HMG20A: variants seen among roughly 807,000 people sequenced by gnomAD.
HMG20A encodes the protein high mobility group protein 20A.
Under a neutral mutation model 43.9 loss-of-function variants are expected in HMG20A, and 17 were observed. The ratio of observed to expected loss-of-function variants is 0.39; its 90% CI spans 0.27 to 0.58. The LOEUF (loss-of-function observed/expected upper bound fraction) is 0.58. HMG20A is among the 20% of genes least tolerant of loss of function. The pLI is 0.59. For synonymous variants in HMG20A, 132 were observed against 147.5 expected, an observed-to-expected ratio of 0.89 and a Z score of 0.76; for missense variants, 341 against 438.2, an observed-to-expected ratio of 0.78 and a Z score of 1.98.
chr15:77,433,361 A>T (rs2073509863), intron 1 of HMG20A, among the ~76,000 whole-genome samples: 1 of 144,970 alleles, frequency 6.9e-6, no homozygotes, highest in African/African-American at 2.5e-5. Context: ...AAAAAAAAAA[A>T]TTTCTTCAAA....
the HMG20A span, among the ~76,000 whole-genome samples, chr15:77,500,844 C>T: frequency 3.9e-5 from 6 of 152,336 alleles, no homozygotes; most frequent in East Asian, 1.9e-4. Context: ...GCTGGGATTA[C>T]AGGCATGAGC....
At chr15:77,450,743 A>T (rs980736994) in intron 1 of HMG20A, among the ~76,000 whole-genome samples, 6 of 152,214 alleles carry the variant, frequency 3.9e-5, no homozygotes, top group African/African-American at 1.4e-4. Context: ...TAAACTAATT[A>T]TCGTGTGCCA....
At chr15:77,451,059 C>A (rs1473633391) in intron 1 of HMG20A, among the ~76,000 whole-genome samples, 1 of 152,170 alleles carries the variant, frequency 6.6e-6, no homozygotes, top group African/African-American at 2.4e-5. Flanking sequence ...TAGTAATATG[C>A]ACTAAGTTTC....
chr15:77,490,638 C>A, the HMG20A span, among the ~76,000 whole-genome samples: 595 of 152,254 alleles, frequency 3.9e-3, 7 homozygotes, highest in African/African-American at 0.013. Flanking sequence ...ACCTGGGCAA[C>A]GTGGTGAAAC....
the HMG20A span, among the ~76,000 whole-genome samples, chr15:77,501,262 T>C: frequency 6.6e-6 from 1 of 152,210 alleles, no homozygotes; most frequent in Non-Finnish European, 1.5e-5. Context: ...CTCTGAAGAC[T>C]TGTTTGCATC....
intron 1 of HMG20A, among the ~76,000 whole-genome samples, chr15:77,446,408 A>AT (rs1244870074): frequency 6.6e-6 from 1 of 152,046 alleles, no homozygotes; most frequent in East Asian, 1.9e-4. Flanking sequence ...ACTGAAAAAC[A>AT]TTGTTTTTCA....
chr15:77,498,205 A>G, the HMG20A span, among the ~76,000 whole-genome samples: 10 of 152,080 alleles, frequency 6.6e-5, no homozygotes, highest in Non-Finnish European at 1.3e-4. Flanking sequence ...AGACTTCATT[A>G]CCGGATCCTC....
intron 1 of HMG20A, among the ~76,000 whole-genome samples, chr15:77,455,752 G>C (rs559705054): frequency 6.6e-6 from 1 of 152,252 alleles, no homozygotes; most frequent in East Asian, 1.9e-4. Flanking sequence ...CTCTGTACTG[G>C]GACATCATCA....
At chr15:77,473,137 G>A (rs760192891) in intron 6 of HMG20A, among the ~76,000 whole-genome samples, 5 of 152,090 alleles carry the variant, frequency 3.3e-5, no homozygotes, top group African/African-American at 7.2e-5. Flanking sequence ...TCAAATAGAC[G>A]TTATTACCAT....
chr15:77,519,022 A>G, the HMG20A span, among the ~76,000 whole-genome samples: 2 of 152,130 alleles, frequency 1.3e-5, no homozygotes, highest in Non-Finnish European at 2.9e-5. Flanking sequence ...CAATGTCTAT[A>G]CCCCATTTCC....
chr15:77,492,417 A>G, the HMG20A span, among the ~76,000 whole-genome samples: 1 of 152,216 alleles, frequency 6.6e-6, no homozygotes, highest in African/African-American at 2.4e-5. Context: ...GAAAATCAAA[A>G]TGTAATTTCC....
chr15:77,502,983 C>T, the HMG20A span, among the ~76,000 whole-genome samples: 1 of 151,956 alleles, frequency 6.6e-6, no homozygotes, highest in Non-Finnish European at 1.5e-5. Context: ...AAAAGCAAAA[C>T]GAACAACAAA....
At chr15:77,461,352 G>C (rs2072703208) in intron 2 of HMG20A, among the ~76,000 whole-genome samples, 1 of 152,200 alleles carries the variant, frequency 6.6e-6, no homozygotes, top group African/African-American at 2.4e-5. Context: ...TTAACTGGAA[G>C]TGGGATGGAG....
rs1000564935 is a variant in HMG20A at position 77,465,955 on chromosome 15, A to G, written c.238-1140A>G. On this transcript the variant is annotated intron_variant, in intron 3 of 9. Transcript: ENST00000336216. ...ATTATGTACCTTACATCTTATTTAA[A>G]GGGCCAAGAAGAAAGGCTGTGGTGA... 1.3e-4 allele frequency among the ~76,000 whole-genome samples: 20 copies of G among 152,344 alleles called. 2 individuals are homozygous for G. The South Asian group carries it at 1.7e-3, about 13-fold the overall frequency.
chr15:77,426,917 T>G (rs559316118), intron 1 of HMG20A, among the ~76,000 whole-genome samples: 1 of 152,272 alleles, frequency 6.6e-6, no homozygotes, highest in East Asian at 1.9e-4. Flanking sequence ...TGGGTTTTTG[T>G]CTTAATGTAG....
intron 1 of HMG20A, among the ~76,000 whole-genome samples, chr15:77,434,901 A>G (rs537339464): frequency 5.3e-4 from 80 of 152,294 alleles, no homozygotes; most frequent in Middle Eastern, 3.4e-3. Flanking sequence ...ACAGAAATTT[A>G]TATGTTCACC....
At chr15:77,491,949 C>A in the HMG20A span, among the ~76,000 whole-genome samples, 2 of 152,302 alleles carry the variant, frequency 1.3e-5, no homozygotes, top group Admixed American at 6.5e-5. Flanking sequence ...GTTTTGCAGG[C>A]AGAGGGAAGG....
At chr15:77,508,109 C>A in the HMG20A span, among the ~76,000 whole-genome samples, 1 of 152,310 alleles carries the variant, frequency 6.6e-6, no homozygotes, top group African/African-American at 2.4e-5. Flanking sequence ...GTGCACACTT[C>A]CTGACTAATC....
chr15:77,515,601 G>A, the HMG20A span, among the ~76,000 whole-genome samples: 1 of 151,862 alleles, frequency 6.6e-6, no homozygotes, highest in Non-Finnish European at 1.5e-5. Context: ...GAAAACTGCT[G>A]ATTAAAAAAA....
Sources: gnomAD v4.1 joint callset for allele counts (sites outside exome capture counted in the v4.1 genomes callset) on GRCh38, gnomAD v4.1.1 for gene constraint, MANE v1.5 for transcripts, NCBI Gene and HGNC (gene_info 2026-07-23, HGNC 2026-07-21) for gene names.